The following SYDE2 variants were observed in gnomAD, a reference collection of about 807,000 sequenced individuals.
SYDE2 encodes synapse defective Rho GTPase homolog 2, also known as rho GTPase-activating protein SYDE2.
Under a neutral mutation model 91.5 loss-of-function variants are expected in SYDE2, and 76 were observed. That is an observed-to-expected ratio of 0.83 (90% CI 0.69 to 1.01). The LOEUF is 1.01. Among genes scored for constraint, SYDE2 ranks in the 50% least tolerant of loss-of-function variants. The probability of loss-of-function intolerance (pLI) is 0.00; values close to 1 mark genes in which losing one functional copy is unlikely to be tolerated. For synonymous variants in SYDE2, 513 were observed against 506.4 expected, an observed-to-expected ratio of 1.01 and a Z score of -0.18; for missense variants, 1,364 against 1,367.7, an observed-to-expected ratio of 1.00 and a Z score of 0.04.
chr1:85,155,922 T>C (rs1467783547), downstream of SYDE2, among the ~76,000 whole-genome samples: 1 of 152,186 alleles, frequency 6.6e-6, no homozygotes, highest in Non-Finnish European at 1.5e-5. Context: ...AGTACAAGGT[T>C]GGTCATTTCC....
chr1:85,155,062 GA>G (rs150467183), downstream of SYDE2, among the ~76,000 whole-genome samples: 585 of 116,388 alleles, frequency 5.0e-3, 1 homozygote, highest in African/African-American at 0.016. Flanking sequence ...AGAAAAGAAA[GA>G]AAAAAAAAAT....
chr1:85,153,096 G>T (rs1156680771), downstream of SYDE2: 1 of 152,258 alleles, frequency 6.6e-6, no homozygotes, highest in Non-Finnish European at 1.5e-5. Flanking sequence ...TCTGGATAAA[G>T]AGCTTTCCAG....
chr1:85,153,855 T>G (rs1401460468), downstream of SYDE2: 2 of 152,278 alleles, frequency 1.3e-5, no homozygotes, highest in Admixed American at 1.3e-4. Flanking sequence ...ATCTTAAGTA[T>G]GCAACCTGAT....
intron 5 of SYDE2, among the ~76,000 whole-genome samples, chr1:85,167,982 C>T (rs1007685071): frequency 2.0e-5 from 3 of 152,030 alleles, no homozygotes; most frequent in Non-Finnish European, 2.9e-5. Flanking sequence ...GGCATGGTGG[C>T]GCCCACCTGT....
Position 85,190,174 on chromosome 1 carries a change from G to T in SYDE2, c.1324C>A (p.Pro442Thr), listed in dbSNP as rs774852568. ...IQTTRSNGMN[P>T]IHPAHSTEFV... ...TCTGTGGAATGGGCAGGATGTATAG[G>T]ATTCATTCCATTTGACCGTGTGGTC... Residue 442 changes from proline to threonine, a missense_variant, in exon 2 of 7, where the codon CCT becomes ACT. Coordinates refer to ENST00000341460, the MANE Select transcript of SYDE2 (RefSeq NM_032184.2). 2.5e-6 allele frequency: 4 copies of T among 1,613,940 alleles called. No homozygotes were observed. In the South Asian group the frequency reaches 4.4e-5, roughly 18 times the overall value.
At chr1:85,162,465 C>T (rs1391086759) in intron 6 of SYDE2, among the ~76,000 whole-genome samples, 3 of 152,264 alleles carry the variant, frequency 2.0e-5, no homozygotes, top group East Asian at 1.9e-4. Flanking sequence ...CAGGGTAAAA[C>T]TGTTGTTTCT....
At chr1:85,168,132 T>A (rs532416702) in intron 5 of SYDE2, among the ~76,000 whole-genome samples, 1 of 150,030 alleles carries the variant, frequency 6.7e-6, no homozygotes, top group African/African-American at 2.5e-5. Flanking sequence ...AAAAAAAAAA[T>A]TTTACCTAGT....
downstream of SYDE2, among the ~76,000 whole-genome samples, chr1:85,155,052 A>G (rs962734030): frequency 6.7e-6 from 1 of 149,538 alleles, no homozygotes; most frequent in African/African-American, 2.5e-5. Context: ...AAGAAAAGAA[A>G]GAAAAGAAAG....
At chr1:85,180,198 T>C (rs910737158) in intron 3 of SYDE2, among the ~76,000 whole-genome samples, 1 of 152,154 alleles carries the variant, frequency 6.6e-6, no homozygotes, top group African/African-American at 2.4e-5. Flanking sequence ...TATATGACTA[T>C]CAAAGCCTAT....
intron 1 of SYDE2, among the ~76,000 whole-genome samples, chr1:85,195,437 T>C (rs1417719641): frequency 6.6e-6 from 1 of 152,148 alleles, no homozygotes; most frequent in South Asian, 2.1e-4. Flanking sequence ...GTCTTAAGTT[T>C]CTGTGTGTGT....
chr1:85,152,656 T>C (rs1425607930), downstream of SYDE2: 2 of 152,248 alleles, frequency 1.3e-5, no homozygotes, highest in Non-Finnish European at 2.9e-5. Context: ...TTCTATGTTA[T>C]AGTCCCTAGG....
chr1:85,177,477 C>G (rs1173198469), intron 4 of SYDE2, among the ~76,000 whole-genome samples: 1 of 152,132 alleles, frequency 6.6e-6, no homozygotes, highest in Non-Finnish European at 1.5e-5. Context: ...CAGTAGCTCT[C>G]CCTGAAGCTC....
At chr1:85,168,921 G>GGCAGAGCTTTTAAATCCATGA (rs1553170718) in intron 5 of SYDE2, 123 bp downstream of exon 5, 1 of 836,502 alleles carries the variant, frequency 1.2e-6, no homozygotes, top group East Asian at 2.6e-5. Context: ...AGGCAGTAAT[G>GGCAGAGCTTTTAAATCCATGA]GCAGAGCTTT....
intron 2 of SYDE2, among the ~76,000 whole-genome samples, chr1:85,187,393 T>C (rs1341475249): frequency 3.9e-5 from 6 of 151,928 alleles, no homozygotes; most frequent in Non-Finnish European, 7.4e-5. Context: ...TGTGGAGAAA[T>C]AGGAACACTT....
chr1:85,184,515 TAAC>T (rs1658052950), intron 2 of SYDE2, among the ~76,000 whole-genome samples: 2 of 152,000 alleles, frequency 1.3e-5, no homozygotes, highest in African/African-American at 4.8e-5. Flanking sequence ...ACCCTACATG[TAAC>T]AATGCAAGAT....
At chr1:85,155,466 C>T (rs186066565), downstream of SYDE2, among the ~76,000 whole-genome samples, 6 of 151,986 alleles carry the variant, frequency 3.9e-5, no homozygotes, top group East Asian at 1.2e-3. Context: ...TAACAATACC[C>T]CGTCTCTATT....
rs1402668407 is a variant in SYDE2, at chr1:85,178,327, T to C, written c.2545-55A>G. On this transcript the variant is annotated intron_variant, in intron 3 of 6. Transcript: ENST00000341460. ...TAAATTTGATAAAGGGAAAATATAATTGCATTATAGATCACATGAACTTTG... is the reference window on the plus strand; with the variant it reads ...TAAATTTGATAAAGGGAAAATATAACTGCATTATAGATCACATGAACTTTG... 5 of 1,473,306 alleles carry C rather than the reference T, an allele frequency of 3.4e-6. No individual in the cohort carries two copies. In the African/African-American group the frequency reaches 5.7e-5, roughly 17 times the overall value. The allele number at this position is 1,473,306 out of a possible 1,614,324, so 91.3% of individuals were successfully genotyped here. A position where few individuals can be genotyped will look rare whatever the true frequency, so the allele number is the denominator to read the frequency against.
chr1:85,188,028 TAAAAAA>T, intron 2 of SYDE2, among the ~76,000 whole-genome samples: 1 of 150,860 alleles, frequency 6.6e-6, no homozygotes, highest in East Asian at 1.9e-4. Context: ...TAAATTAAAT[TAAAAAA>T]AAAGTTTAAG....
rs1656915312 is a variant in SYDE2, at chr1:85,157,723, T to C, written c.*1027A>G. ...TCAAGTGTTTTTATGTAATTCCTCC[T>C]TTAATTTAAATGTTCTTTCCCTGAA... On this transcript the variant is annotated 3_prime_UTR_variant, in exon 7 of 7. Transcript: ENST00000341460. 1 of 152,138 alleles carries C rather than the reference T, an allele frequency of 6.6e-6. No individual in the cohort carries two copies. The highest frequency in any genetic ancestry group is 1.5e-5 in the Non-Finnish European group (1 of 67,998). 9.4% of individuals were successfully genotyped at this position (152,138 alleles called of 1,614,324 possible).
Sources: allele counts gnomAD v4.1 joint callset (sites outside exome capture counted in the v4.1 genomes callset), GRCh38; gene constraint gnomAD v4.1.1; transcripts MANE v1.5; gene names NCBI Gene and HGNC (gene_info 2026-07-23, HGNC 2026-07-21).